The following TMED8 variants were observed in gnomAD, a reference collection of about 807,000 sequenced individuals.
TMED8 encodes the protein protein TMED8.
Under a neutral mutation model 32.7 loss-of-function variants are expected in TMED8, and 15 were observed. That is an observed-to-expected ratio of 0.46 (90% confidence interval 0.31 to 0.71). The LOEUF (loss-of-function observed/expected upper bound fraction) is 0.71. Among genes scored for constraint, TMED8 ranks in the 30% least tolerant of loss-of-function variants. TMED8 has a pLI of 0.06. For synonymous variants in TMED8, 147 were observed against 161.4 expected, an observed-to-expected ratio of 0.91 and a Z score of 0.68; for missense variants, 390 against 423.9, an observed-to-expected ratio of 0.92 and a Z score of 0.70.
rs144912168 is a variant in TMED8, at chr14:77,356,269, T to C, written c.119-4518A>G. ...CATACCTACTAACTAGGTGAATTAT[T>C]AGTACTTTAGAATTCCCCTACCCAA... is the stretch of plus-strand genomic sequence containing the variant. On this transcript the variant is annotated intron_variant, in intron 1 of 5. Transcript: ENST00000216468. 6.7e-4 allele frequency among the ~76,000 whole-genome samples: 102 copies of C among 152,352 alleles called. 1 individual carries two copies. The East Asian group carries it at 0.017, about 25-fold the overall frequency.
At chr14:77,369,881 T>A (rs934129711) in intron 1 of TMED8, among the ~76,000 whole-genome samples, 10 of 152,160 alleles carry the variant, frequency 6.6e-5, no homozygotes, top group African/African-American at 2.4e-4. Context: ...CAAAAATAGT[T>A]CTGCCCTCTG....
Position 77,335,448 on chromosome 14 carries a change from T to C in TMED8, c.*6323A>G, listed in dbSNP as rs1340203268. 3 of 152,218 alleles carry C rather than the reference T, an allele frequency of 2.0e-5. No homozygotes were observed. Among genetic ancestry groups the C allele is most frequent in the Non-Finnish European group, 4.4e-5 (3 of 68,032 alleles). The allele number at this position is 152,218 out of a possible 1,614,324, so 9.4% of individuals were successfully genotyped here. On this transcript the variant is annotated 3_prime_UTR_variant, in exon 6 of 6. Coordinates refer to ENST00000216468, the MANE Select transcript of TMED8 (RefSeq NM_213601.3). ...GTAATGTCAGCAACAGTACATGATA[T>C]AGAACAGTAAGAAAATAATGTCTTT...
intron 1 of TMED8, among the ~76,000 whole-genome samples, chr14:77,354,540 T>C (rs1197086254): frequency 6.6e-6 from 1 of 152,216 alleles, no homozygotes; most frequent in African/African-American, 2.4e-5. Flanking sequence ...ATTTTTAATA[T>C]ACAGATAATC....
intron 1 of TMED8, among the ~76,000 whole-genome samples, chr14:77,355,745 C>G (rs373303395): frequency 6.6e-6 from 1 of 152,292 alleles, no homozygotes; most frequent in African/African-American, 2.4e-5. Context: ...GAACCTCCCC[C>G]CTCAACAGCC....
At position 77,343,766 on chromosome 14, in the gene TMED8, G is replaced by A. The variant is rs758461857; in HGVS notation, c.385C>T (p.His129Tyr). 6.2e-7 allele frequency: 1 copy of A among 1,614,184 alleles called. No individual in the cohort carries two copies. Among genetic ancestry groups the A allele is most frequent in the African/African-American group, 1.3e-5 (1 of 75,050 alleles). The change falls in exon 4 of 6, where the codon CAT becomes TAT. Residue 129 changes from histidine (H) to tyrosine (Y), a missense_variant. By Grantham distance (83) the His-to-Tyr change is moderately conservative. Coordinates refer to ENST00000216468, the MANE Select transcript of TMED8 (RefSeq NM_213601.3). Reference sequence around the variant, plus strand: ...GAAAGAACATCTATAGCTCCTGTATGTTCAGACTGGATCATAACGATGTCC... The same window carrying A: ...GAAAGAACATCTATAGCTCCTGTATATTCAGACTGGATCATAACGATGTCC... ...SGDIVMIQSE[H>Y]TGAIDVLSAD...
intron 1 of TMED8, among the ~76,000 whole-genome samples, chr14:77,375,300 G>A (rs769461422): frequency 1.7e-4 from 26 of 152,034 alleles, no homozygotes; most frequent in Non-Finnish European, 3.2e-4. Context: ...AATGTCCTGG[G>A]AGGAAGTGAA....
chr14:77,352,817 C>T (rs1234708121), intron 1 of TMED8, among the ~76,000 whole-genome samples: 3 of 152,098 alleles, frequency 2.0e-5, no homozygotes, highest in Non-Finnish European at 2.9e-5. Context: ...ACATAGAGGG[C>T]AGAGTGGGAT....
chr14:77,365,441 C>CA (rs1384068968), intron 1 of TMED8, among the ~76,000 whole-genome samples: 1 of 152,126 alleles, frequency 6.6e-6, no homozygotes, highest in Non-Finnish European at 1.5e-5. Context: ...ATAAAAGTAT[C>CA]AAAGGTTTCC....
At position 77,335,369 on chromosome 14, in the gene TMED8, A is replaced by G. The variant is rs2139592528; in HGVS notation, c.*6402T>C. The G allele has an allele frequency of 6.6e-6, 1 of 152,338 alleles. No homozygotes were observed. Among genetic ancestry groups the G allele is most frequent in the South Asian group, 2.1e-4 (1 of 4,828 alleles). 9.4% of individuals were successfully genotyped at this position (152,338 alleles called of 1,614,324 possible). On this transcript the variant is annotated 3_prime_UTR_variant, in exon 6 of 6. Coordinates refer to ENST00000216468, the MANE Select transcript of TMED8 (RefSeq NM_213601.3). ...AAATGATTAGTTGGGATACTTTTGT[A>G]TTTTAAAGAAAAAAGATAAAACAGT...
chr14:77,371,414 A>T (rs1021625174), intron 1 of TMED8, among the ~76,000 whole-genome samples: 1 of 152,236 alleles, frequency 6.6e-6, no homozygotes, highest in Non-Finnish European at 1.5e-5. Flanking sequence ...ACCACTTCTC[A>T]TAGCATTTTA....
intron 1 of TMED8, among the ~76,000 whole-genome samples, chr14:77,373,408 A>G (rs188891487): frequency 2.0e-5 from 3 of 152,134 alleles, no homozygotes; most frequent in African/African-American, 7.2e-5. Flanking sequence ...TCCTCTGGGG[A>G]ACTGAAGAAC....
rs149207355 is a variant in TMED8 at position 77,345,374 on chromosome 14, G to C, written c.327+975C>G. On this transcript the variant is annotated intron_variant, in intron 3 of 5. Coordinates refer to ENST00000216468, the MANE Select transcript of TMED8 (RefSeq NM_213601.3). The stretch of plus-strand genomic sequence containing the variant: ...TAAATGAAGTGTTACAGATACAAAT[G>C]CTTGTAAACTGTAAAGTATTATACA... Among the ~76,000 whole-genome samples, 242 of 152,294 alleles carry C rather than the reference G, an allele frequency of 1.6e-3. 1 individual carries two copies. In the East Asian group the frequency reaches 0.018, roughly 12 times the overall value.
chr14:77,340,515 C>A lies in TMED8; in HGVS notation c.*1256G>T, dbSNP rs146575998. 2 of 152,232 alleles carry A rather than the reference C, an allele frequency of 1.3e-5. No homozygotes were observed. The highest frequency in any genetic ancestry group is 3.8e-4 in the East Asian group (2 of 5,196). 9.4% of individuals were successfully genotyped at this position (152,232 alleles called of 1,614,324 possible). ...GACTGCTGAGGTCCCATCTCACCTC[C>A]GTCTCCTCCTCCGCCTGGGGGCCCA... On this transcript the variant is annotated 3_prime_UTR_variant, in exon 6 of 6. Transcript: ENST00000216468.
At chr14:77,345,264 G>T (rs573111969) in intron 3 of TMED8, among the ~76,000 whole-genome samples, 3 of 152,274 alleles carry the variant, frequency 2.0e-5, no homozygotes, top group Non-Finnish European at 4.4e-5. Context: ...TGGGATTACA[G>T]GCATGAGCCA....
At chr14:77,362,443 G>A (rs1007501344) in intron 1 of TMED8, among the ~76,000 whole-genome samples, 1 of 151,858 alleles carries the variant, frequency 6.6e-6, no homozygotes, top group Non-Finnish European at 1.5e-5. Context: ...TTCTACATAA[G>A]CCTCATGGTA....
chr14:77,354,405 C>T (rs1156374112), intron 1 of TMED8, among the ~76,000 whole-genome samples: 1 of 152,100 alleles, frequency 6.6e-6, no homozygotes, highest in Admixed American at 6.6e-5. Context: ...ACTTTATATA[C>T]CCTATTACTT....
intron 1 of TMED8, among the ~76,000 whole-genome samples, chr14:77,358,532 C>T (rs1893352661): frequency 1.3e-5 from 2 of 152,162 alleles, no homozygotes; most frequent in East Asian, 1.9e-4. Flanking sequence ...CTCCTGACCT[C>T]GTGATCTGCC....
intron 1 of TMED8, among the ~76,000 whole-genome samples, chr14:77,375,372 G>A (rs1389445890): frequency 1.3e-5 from 2 of 152,064 alleles, no homozygotes; most frequent in Non-Finnish European, 2.9e-5. Flanking sequence ...AAAACGCGTG[G>A]GTACGTTTGC....
At chr14:77,348,877 G>C (rs1360952295) in intron 2 of TMED8, among the ~76,000 whole-genome samples, 1 of 152,184 alleles carries the variant, frequency 6.6e-6, no homozygotes. Flanking sequence ...GGATTCTGTT[G>C]ATCTTTATAG....
Sources: allele counts gnomAD v4.1 joint callset (sites outside exome capture counted in the v4.1 genomes callset), GRCh38; gene constraint gnomAD v4.1.1; transcripts MANE v1.5; gene names NCBI Gene and HGNC (gene_info 2026-07-23, HGNC 2026-07-21).